The following WDFY4 variants were observed in gnomAD, a reference collection of about 807,000 sequenced individuals.
WDFY4 encodes the protein WD repeat- and FYVE domain-containing protein 4.
Under a neutral mutation model 351.9 loss-of-function variants are expected in WDFY4, and 169 were observed. That is an observed-to-expected ratio of 0.48 (90% CI 0.42 to 0.55). The LOEUF (loss-of-function observed/expected upper bound fraction) is 0.55, where lower values mean the gene tolerates loss of function less well. Ranked by LOEUF, WDFY4 falls within the 20% of genes least tolerant of loss-of-function variation. WDFY4 has a pLI of 0.00. For synonymous variants in WDFY4, 1,622 were observed against 1,574.6 expected (o/e 1.03, Z -0.71); for missense variants, 3,803 against 3,935.6 (o/e 0.97, Z 0.90).
At chr10:48,885,226 G>C (rs1456109501) in intron 43 of WDFY4, among the ~76,000 whole-genome samples, 32 of 152,162 alleles carry the variant, frequency 2.1e-4, no homozygotes, top group Non-Finnish European at 1.5e-5. Context: ...GATGTAGCCT[G>C]GGAATATGAA....
Position 48,786,845 on chromosome 10 carries a change from T to C in WDFY4, c.3783T>C (p.Gly1261=), listed in dbSNP as rs1314893056. 1.0e-5 allele frequency: 16 copies of C among 1,552,116 alleles called. No homozygotes were observed. The East Asian group carries it at 3.2e-4, about 31-fold the overall frequency. ...ACAAACTTGGCCCAAGATATTGTGG[T>C]AACTTCCAAGCTGTGCATGTCCAAG... ...VINKLGPRYC[G]NFQAVHVQGE... The change falls in exon 20 of 62, where the codon GGT becomes GGC. Residue 1261 remains glycine (G), a synonymous_variant. Coordinates refer to ENST00000325239, the MANE Select transcript of WDFY4 (RefSeq NM_001394531.1).
At chr10:48,768,757 A>AGAC (rs1565176083) in intron 13 of WDFY4, among the ~76,000 whole-genome samples, 1 of 99,786 alleles carries the variant, frequency 1.0e-5, no homozygotes, top group African/African-American at 3.8e-5. Flanking sequence ...GAGAGAGAGA[A>AGAC]CCAGCCATAG....
intron 39 of WDFY4, among the ~76,000 whole-genome samples, chr10:48,858,764 A>T (rs1020078240): frequency 6.6e-6 from 1 of 152,192 alleles, no homozygotes; most frequent in Non-Finnish European, 1.5e-5. Context: ...TTTAATAAGA[A>T]TTTTATTAAA....
chr10:48,905,279 C>T (rs2039620773), intron 47 of WDFY4, among the ~76,000 whole-genome samples: 1 of 152,174 alleles, frequency 6.6e-6, no homozygotes, highest in Non-Finnish European at 1.5e-5. Context: ...GGGAGGAATG[C>T]AGAAGAGGAG....
intron 52 of WDFY4, 81 bp from the exon 53 acceptor site, chr10:48,959,641 T>C: frequency 7.7e-7 from 1 of 1,293,976 alleles, no homozygotes; most frequent in Non-Finnish European, 1.1e-6. Flanking sequence ...TCAGCAATCC[T>C]GGGCAATGTG....
chr10:48,801,687 T>C (rs12257841), intron 24 of WDFY4, among the ~76,000 whole-genome samples: 7,732 of 152,320 alleles, frequency 0.051, 246 homozygotes, highest in Middle Eastern at 0.082. Context: ...CTCATTTTAT[T>C]TTATTTTGTA....
intron 4 of WDFY4, among the ~76,000 whole-genome samples, chr10:48,722,528 C>T (rs150343643): frequency 4.6e-5 from 7 of 152,318 alleles, no homozygotes; most frequent in Admixed American, 1.3e-4. Flanking sequence ...CTGATCCTGG[C>T]CCAGACTGTA....
rs144151366 is a variant in WDFY4 at position 48,910,886 on chromosome 10, G to A, written c.7586+9023G>A. The A allele has an allele frequency of 3.2e-4, 311 of 984,644 alleles. 1 individual carries two copies. The Middle Eastern group carries it at 3.7e-3, about 12-fold the overall frequency. The allele number at this position is 984,644 out of a possible 1,614,324, so 61.0% of individuals were successfully genotyped here. A position where few individuals can be genotyped will look rare whatever the true frequency, so the allele number is the denominator to read the frequency against. Reference sequence around the variant, plus strand: ...ACCAGCAAACCCTGGGCACCAGGTGGGCTCTGTAACCTCGATGTTTCTCTT... The same window carrying A: ...ACCAGCAAACCCTGGGCACCAGGTGAGCTCTGTAACCTCGATGTTTCTCTT... On this transcript the variant is annotated intron_variant, in intron 47 of 61. Transcript: ENST00000325239.
rs769854648 is a variant in WDFY4, at chr10:48,974,859, C to T, written c.8929-3C>T. ...CTCCTAACCTGTGAGTCTCTGTCCC[C>T]AGGCCTTGTATGGACACACACAGGC... On this transcript the variant is annotated splice_region_variant and splice_polypyrimidine_tract_variant and intron_variant, in intron 57 of 61. Transcript: ENST00000325239. 2 of 1,536,564 alleles carry T rather than the reference C, an allele frequency of 1.3e-6. No homozygotes were observed. The highest frequency in any genetic ancestry group is 2.0e-5 in the Admixed American group (1 of 50,284).
intron 39 of WDFY4, among the ~76,000 whole-genome samples, chr10:48,860,422 C>T (rs2069295456): frequency 6.6e-6 from 1 of 152,198 alleles, no homozygotes; most frequent in Admixed American, 6.5e-5. Context: ...TGAAGGCTGC[C>T]TTCTTGCTGT....
intron 23 of WDFY4, among the ~76,000 whole-genome samples, chr10:48,793,631 C>T (rs1195641051): frequency 3.9e-5 from 6 of 152,228 alleles, no homozygotes; most frequent in South Asian, 4.2e-4. Context: ...CGTATTGCCA[C>T]GTTTGTGTCT....
chr10:48,747,975 C>G (rs75994831), intron 12 of WDFY4, among the ~76,000 whole-genome samples: 1 of 152,198 alleles, frequency 6.6e-6, no homozygotes, highest in Non-Finnish European at 1.5e-5. Context: ...CTTAGCTGCC[C>G]TTTCCAAGCC....
At chr10:48,841,814 GAGTCACTGC>G (rs1424670380) in intron 39 of WDFY4, among the ~76,000 whole-genome samples, 1 of 152,210 alleles carries the variant, frequency 6.6e-6, no homozygotes, top group Non-Finnish European at 1.5e-5. Flanking sequence ...AAACATCACA[GAGTCACTGC>G]ACACCTGCTG....
chr10:48,910,575 A>G (rs147157094), intron 47 of WDFY4, among the ~76,000 whole-genome samples: 80 of 152,340 alleles, frequency 5.3e-4, no homozygotes, highest in African/African-American at 1.9e-3. Context: ...ACTGGTCTCT[A>G]TCTCCAGTCT....
chr10:48,925,776 T>A (rs1293178374), intron 47 of WDFY4, among the ~76,000 whole-genome samples: 1 of 152,104 alleles, frequency 6.6e-6, no homozygotes, highest in Non-Finnish European at 1.5e-5. Flanking sequence ...TTTGGGGGGA[T>A]TTCTGACATC....
At position 48,946,025 on chromosome 10, in the gene WDFY4, AC is replaced by A. The variant is rs1841026903; in HGVS notation, c.7750-14del. 6.6e-7 allele frequency: 1 copy of A among 1,518,414 alleles called. No homozygotes were observed. Among genetic ancestry groups the A allele is most frequent in the East Asian group, 2.5e-5 (1 of 39,902 alleles). 94.1% of individuals were successfully genotyped at this position (1,518,414 alleles called of 1,614,324 possible). A position where few individuals can be genotyped will look rare whatever the true frequency, so the allele number is the denominator to read the frequency against. ...GGTCTGGGGAGTTAACTCCAGCTGC[AC>A]ATCTGCCTTCTAGACATTGAACTTG... is the stretch of plus-strand genomic sequence containing the variant. On this transcript the variant is annotated splice_polypyrimidine_tract_variant and intron_variant, in intron 49 of 61. Coordinates refer to ENST00000325239, the MANE Select transcript of WDFY4 (RefSeq NM_001394531.1).
At chr10:48,791,065 G>T in intron 23 of WDFY4, 148 bp downstream of exon 23, 1 of 988,608 alleles carries the variant, frequency 1.0e-6, no homozygotes. Context: ...TCTGAGACCA[G>T]CAACTTCGCA....
intron 1 of WDFY4, among the ~76,000 whole-genome samples, chr10:48,700,341 G>A (rs1176159025): frequency 6.6e-6 from 1 of 152,208 alleles, no homozygotes; most frequent in African/African-American, 2.4e-5. Context: ...TCCTGCAGGA[G>A]CTCCAATGCT....
rs539563311 is a variant in WDFY4 at position 48,950,004 on chromosome 10, G to C, written c.7977+3035G>C. Among the ~76,000 whole-genome samples, 3 of 152,280 alleles carry C rather than the reference G, an allele frequency of 2.0e-5. No individual in the cohort carries two copies. The South Asian group carries it at 6.2e-4, about 32-fold the overall frequency. On this transcript the variant is annotated intron_variant, in intron 51 of 61. Coordinates refer to ENST00000325239, the MANE Select transcript of WDFY4 (RefSeq NM_001394531.1). ...GGATGGTGCTAAGTACCTTACAGCT[G>C]TTATTTAAACTATTTTATACTTATT...
Sources: allele counts gnomAD v4.1 joint callset (sites outside exome capture counted in the v4.1 genomes callset), GRCh38; gene constraint gnomAD v4.1.1; transcripts MANE v1.5; gene names NCBI Gene and HGNC (gene_info 2026-07-23, HGNC 2026-07-21).